The following PDXDC1 variants were observed in gnomAD, a reference collection of about 807,000 sequenced individuals.
The protein encoded by PDXDC1 is pyridoxal dependent decarboxylase domain containing 1.
PDXDC1 carries 42 observed loss-of-function variants against 100.1 expected under a neutral mutation model. That is an observed-to-expected ratio of 0.42 (90% CI 0.33 to 0.54). PDXDC1 has a LOEUF of 0.54. Among genes scored for constraint, PDXDC1 ranks in the 20% least tolerant of loss-of-function variants. The probability of loss-of-function intolerance (pLI) is 0.10; values close to 1 mark genes in which losing one functional copy is unlikely to be tolerated. For missense variants in PDXDC1, 636 were observed against 979.2 expected (o/e 0.65, Z 4.68); for synonymous variants, 260 against 371.7 (o/e 0.70, Z 3.46).
intron 16 of PDXDC1, chr16:15,062,051 C>T (rs371294760): frequency 4.8e-5 from 36 of 753,416 alleles, no homozygotes; most frequent in South Asian, 1.5e-4. Context: ...TAGTGGCACA[C>T]GCCTGTAGTC....
intron 16 of PDXDC1, among the ~76,000 whole-genome samples, chr16:15,101,436 C>T (rs557320506): frequency 3.3e-5 from 5 of 152,270 alleles, no homozygotes; most frequent in African/African-American, 1.2e-4. Context: ...CGTGCCTCAG[C>T]CTCCCAAGTA....
intron 16 of PDXDC1, among the ~76,000 whole-genome samples, chr16:15,043,340 A>G (rs1429506755): frequency 1.3e-5 from 2 of 152,186 alleles, no homozygotes; most frequent in Non-Finnish European, 2.9e-5. Context: ...CCGGCCGGAT[A>G]TGAACCTTTT....
At chr16:15,131,120 G>A (rs745920228) in intron 16 of PDXDC1, 2 of 1,605,802 alleles carry the variant, frequency 1.2e-6, no homozygotes, top group South Asian at 1.1e-5. Flanking sequence ...TGCAGATGCA[G>A]CACGGCCGCA....
intron 16 of PDXDC1, among the ~76,000 whole-genome samples, chr16:15,124,994 A>G (rs1196077996): frequency 2.0e-5 from 3 of 150,346 alleles, no homozygotes; most frequent in Non-Finnish European, 4.4e-5. Context: ...CAAAAATACA[A>G]AAATTAGCCA....
chr16:15,055,388 G>A (rs1243590822), intron 16 of PDXDC1, among the ~76,000 whole-genome samples: 2 of 152,216 alleles, frequency 1.3e-5, no homozygotes, highest in Non-Finnish European at 2.9e-5. Flanking sequence ...CGGGGGTAGG[G>A]GAGAGAGAGG....
At chr16:14,986,405 G>T (rs1417278205) in intron 1 of PDXDC1, among the ~76,000 whole-genome samples, 2 of 152,284 alleles carry the variant, frequency 1.3e-5, no homozygotes, top group African/African-American at 4.8e-5. Context: ...GGAGGCGGAG[G>T]TTGCAGTGAG....
Position 15,036,686 on chromosome 16 carries a change from C to T in PDXDC1, c.*411C>T, listed in dbSNP as rs187809653. The T allele has an allele frequency of 3.1e-5, 6 of 195,382 alleles. No homozygotes were observed. Among genetic ancestry groups the T allele is most frequent in the Non-Finnish European group, 5.3e-5 (5 of 94,110 alleles). 12.1% of individuals were successfully genotyped at this position (195,382 alleles called of 1,614,324 possible). A position where few individuals can be genotyped will look rare whatever the true frequency, so the allele number is the denominator to read the frequency against. On this transcript the variant is annotated 3_prime_UTR_variant, in exon 23 of 23. Coordinates refer to ENST00000396410, the MANE Select transcript of PDXDC1 (RefSeq NM_015027.4). ...TCTGCAACACTTCACAGAGGCGAGA[C>T]TGGCTGTATCCTTTGCTGTCGGTCT...
intron 1 of PDXDC1, among the ~76,000 whole-genome samples, chr16:14,979,806 A>G (rs1967543081): frequency 6.6e-6 from 1 of 152,294 alleles, no homozygotes; most frequent in African/African-American, 2.4e-5. Flanking sequence ...CCTGATCATT[A>G]CTTACTGATA....
chr16:15,129,674 GGCACCTACTTCCA>G (rs2047946582), intron 16 of PDXDC1, among the ~76,000 whole-genome samples: 1 of 152,282 alleles, frequency 6.6e-6, no homozygotes, highest in Non-Finnish European at 1.5e-5. Context: ...CTGACTGACT[GGCACCTACTTCCA>G]GCTAGGAGCT....
At chr16:15,065,777 G>C (rs2044944743) in intron 16 of PDXDC1, among the ~76,000 whole-genome samples, 1 of 152,092 alleles carries the variant, frequency 6.6e-6, no homozygotes, top group African/African-American at 2.4e-5. Context: ...GTGGTAAAGG[G>C]ATTCAGGAGT....
At chr16:15,044,525 G>T in intron 16 of PDXDC1, 2 of 717,430 alleles carry the variant, frequency 2.8e-6, no homozygotes, top group Non-Finnish European at 4.9e-6. Context: ...AGAGCTGCAG[G>T]TCATCTTCGT....
In PDXDC1 at chr16:15,037,514, C is replaced by T. The variant is rs544792929; in HGVS notation, c.*1239C>T. On this transcript the variant is annotated 3_prime_UTR_variant, in exon 23 of 23. Transcript: ENST00000396410. ...GGTGCAGATGATTAAACAGTCTTCC[C>T]TATTTGGTGCAATGAAGTATAGCAG... The T allele has an allele frequency of 6.5e-6, 1 of 152,802 alleles. No individual in the cohort carries two copies. The highest frequency in any genetic ancestry group is 2.1e-4 in the South Asian group (1 of 4,844). 9.5% of individuals were successfully genotyped at this position (152,802 alleles called of 1,614,324 possible).
intron 1 of PDXDC1, among the ~76,000 whole-genome samples, chr16:14,982,908 T>TA (rs1968325185): frequency 6.6e-6 from 1 of 152,286 alleles, no homozygotes; most frequent in Non-Finnish European, 1.5e-5. Context: ...ATTCAGGATT[T>TA]ACCTTGTTCA....
At chr16:14,985,414 A>G (rs1200301350) in intron 1 of PDXDC1, among the ~76,000 whole-genome samples, 1 of 150,814 alleles carries the variant, frequency 6.6e-6, no homozygotes, top group Non-Finnish European at 1.5e-5. Context: ...CAGCCTCCCT[A>G]GTAGCTGGGA....
intron 3 of PDXDC1, among the ~76,000 whole-genome samples, chr16:15,001,489 A>T (rs1973140085): frequency 6.6e-6 from 1 of 152,290 alleles, no homozygotes; most frequent in Non-Finnish European, 1.5e-5. Context: ...ACCCTGTCTC[A>T]AAATAAATAA....
chr16:15,083,904 C>T (rs536899172), intron 16 of PDXDC1, among the ~76,000 whole-genome samples: 4 of 152,116 alleles, frequency 2.6e-5, no homozygotes, highest in Non-Finnish European at 5.9e-5. Context: ...TTAGTAGAGA[C>T]GGGGTTTCTC....
intron 14 of PDXDC1, among the ~76,000 whole-genome samples, chr16:15,028,500 C>T (rs996949126): frequency 8.5e-5 from 13 of 152,418 alleles, no homozygotes; most frequent in Admixed American, 6.5e-4. Flanking sequence ...TCCCAAGTGT[C>T]GGGCTCTGTG....
At chr16:14,993,472 T>C (rs1403682016) in intron 1 of PDXDC1, among the ~76,000 whole-genome samples, 2 of 152,270 alleles carry the variant, frequency 1.3e-5, no homozygotes, top group Non-Finnish European at 2.9e-5. Context: ...GGACATGAAC[T>C]CACCATTTTT....
chr16:15,128,149 G>A (rs766032842), intron 16 of PDXDC1: 1 of 1,609,894 alleles, frequency 6.2e-7, no homozygotes, highest in African/African-American at 1.3e-5. Context: ...CAGAGGCGCG[G>A]GAGGGAGGTC....
Sources: gnomAD v4.1 joint callset for allele counts (sites outside exome capture counted in the v4.1 genomes callset) on GRCh38, gnomAD v4.1.1 for gene constraint, MANE v1.5 for transcripts, NCBI Gene and HGNC (gene_info 2026-07-23, HGNC 2026-07-21) for gene names.